E2F5: variants seen among roughly 807,000 people sequenced by gnomAD.
E2F5 encodes E2F transcription factor 5, also known as transcription factor E2F5.
In E2F5, 23 loss-of-function variants were observed where a neutral mutation model predicts 39.1. That is an observed-to-expected ratio of 0.59 (90% CI 0.42 to 0.83). The LOEUF (loss-of-function observed/expected upper bound fraction) is 0.83, where lower values mean the gene tolerates loss of function less well. Among genes scored for constraint, E2F5 ranks in the 40% least tolerant of loss-of-function variants. The pLI is 0.00. For missense variants in E2F5, 365 were observed against 406.7 expected (o/e 0.90, Z 0.88); for synonymous variants, 145 against 157.8 (o/e 0.92, Z 0.61).
intron 1 of E2F5, among the ~76,000 whole-genome samples, chr8:85,200,028 T>C (rs1812659668): frequency 6.6e-6 from 1 of 151,988 alleles, no homozygotes; most frequent in Admixed American, 6.6e-5. Flanking sequence ...GGGTGGATCA[T>C]CTGGGGTCAG....
chr8:85,206,295 G>A, intron 4 of E2F5, 75 bp downstream of exon 4: 1 of 1,395,354 alleles, frequency 7.2e-7, no homozygotes, highest in Non-Finnish European at 1.0e-6. Context: ...AATTCCCTGT[G>A]TCCTCATCCT....
At chr8:85,191,439 C>T (rs1315239203) in intron 1 of E2F5, among the ~76,000 whole-genome samples, 4 of 151,938 alleles carry the variant, frequency 2.6e-5, no homozygotes, top group Non-Finnish European at 5.9e-5. Flanking sequence ...TCTTACCACA[C>T]ACAAAAAAAA....
At chr8:85,205,691 C>T (rs1812789499) in intron 3 of E2F5, among the ~76,000 whole-genome samples, 1 of 152,186 alleles carries the variant, frequency 6.6e-6, no homozygotes, top group Non-Finnish European at 1.5e-5. Context: ...AACCATGTGG[C>T]CCTGAGTAGC....
chr8:85,180,336 G>C lies in E2F5; in HGVS notation c.234+2682G>C, dbSNP rs1360502024. ...ATACCCAGCCCATTAAGACATGTTTGATAATACATATTAAAGATGGACTCA... is the reference window on the plus strand; with the variant it reads ...ATACCCAGCCCATTAAGACATGTTTCATAATACATATTAAAGATGGACTCA... On this transcript the variant is annotated intron_variant, in intron 1 of 7. Coordinates refer to ENST00000416274, the MANE Select transcript of E2F5 (RefSeq NM_001951.4). Among the ~76,000 whole-genome samples the C allele has an allele frequency of 2.6e-5, 4 of 151,340 alleles. No individual in the cohort carries two copies. In the East Asian group the frequency reaches 7.8e-4, roughly 30 times the overall value.
At chr8:85,197,161 G>C (rs1465189288) in intron 1 of E2F5, among the ~76,000 whole-genome samples, 2 of 152,174 alleles carry the variant, frequency 1.3e-5, no homozygotes, top group African/African-American at 4.8e-5. Context: ...AAACTATTGA[G>C]TGCATATGTA....
intron 1 of E2F5, among the ~76,000 whole-genome samples, chr8:85,201,307 GAC>G (rs1812694626): frequency 6.6e-6 from 1 of 152,318 alleles, no homozygotes; most frequent in Non-Finnish European, 1.5e-5. Flanking sequence ...TGTCAGTAGA[GAC>G]ACAAATATTT....
intron 3 of E2F5, among the ~76,000 whole-genome samples, chr8:85,205,550 A>C (rs1190613834): frequency 1.3e-5 from 2 of 151,674 alleles, no homozygotes; most frequent in African/African-American, 4.8e-5. Flanking sequence ...GGCCTCCCAA[A>C]GTGCTGGGTG....
At chr8:85,180,557 G>GATATATATATATATATATTT (rs1484316038) in intron 1 of E2F5, among the ~76,000 whole-genome samples, 1 of 54,954 alleles carries the variant, frequency 1.8e-5, no homozygotes, top group Non-Finnish European at 3.6e-5. Flanking sequence ...TATATATATG[G>GATATATATATATATATATTT]TTTTTTGGTT....
intron 3 of E2F5, among the ~76,000 whole-genome samples, chr8:85,205,881 C>T (rs1435566368): frequency 1.3e-5 from 2 of 151,610 alleles, no homozygotes; most frequent in African/African-American, 4.8e-5. Flanking sequence ...CTCCTTTTCC[C>T]CATCCATTCC....
At chr8:85,186,678 GTATATATGGTA>G (rs1322933866) in intron 1 of E2F5, among the ~76,000 whole-genome samples, 2 of 145,838 alleles carry the variant, frequency 1.4e-5, no homozygotes, top group East Asian at 2.0e-4. Flanking sequence ...TATATGTAAG[GTATATATGGTA>G]TATATATGGT....
At chr8:85,211,643 GTTTTTTTTTT>G (rs950695727) in intron 6 of E2F5, among the ~76,000 whole-genome samples, 5 of 52,212 alleles carry the variant, frequency 9.6e-5, no homozygotes, top group East Asian at 6.0e-4. Context: ...GTTTGTTGTT[GTTTTTTTTTT>G]TTTTTTTTTT....
chr8:85,179,606 A>G, intron 1 of E2F5, among the ~76,000 whole-genome samples: 1 of 151,970 alleles, frequency 6.6e-6, no homozygotes, highest in Non-Finnish European at 1.5e-5. Flanking sequence ...CATATGTTTT[A>G]TGTATTTTAC....
At chr8:85,178,795 C>G (rs761125450) in intron 1 of E2F5, among the ~76,000 whole-genome samples, 3 of 152,204 alleles carry the variant, frequency 2.0e-5, no homozygotes, top group African/African-American at 4.8e-5. Flanking sequence ...GCTAGAGGCC[C>G]TCCTCCAGTG....
In E2F5 at chr8:85,214,096, G is replaced by C. The variant is rs1813027937; in HGVS notation, c.*234G>C. 2 of 582,064 alleles carry C rather than the reference G, an allele frequency of 3.4e-6. No homozygotes were observed. The highest frequency in any genetic ancestry group is 6.3e-6 in the Non-Finnish European group (2 of 316,204). 36.1% of individuals were successfully genotyped at this position (582,064 alleles called of 1,614,324 possible). A position where few individuals can be genotyped will look rare whatever the true frequency, so the allele number is the denominator to read the frequency against. On this transcript the variant is annotated 3_prime_UTR_variant, in exon 8 of 8. Coordinates refer to ENST00000416274, the MANE Select transcript of E2F5 (RefSeq NM_001951.4). Reference sequence around the variant, plus strand: ...TCCACAAACGTCCCCACTCCCAAAAGTAACTATATTCTGGATTTCAACTTT... The same window carrying C: ...TCCACAAACGTCCCCACTCCCAAAACTAACTATATTCTGGATTTCAACTTT...
At chr8:85,186,871 T>TGTATATATATGGTATATATATATGTAAG in intron 1 of E2F5, among the ~76,000 whole-genome samples, 1 of 148,784 alleles carries the variant, frequency 6.7e-6, no homozygotes, top group South Asian at 2.1e-4. Flanking sequence ...ATATATAAGG[T>TGTATATATATGGTATATATATATGTAAG]GTATATATAT....
Position 85,177,552 on chromosome 8 carries a change from CG to C in E2F5, c.137del (p.Gly46AlafsTer40). 1.6e-6 allele frequency: 2 copies of C among 1,240,562 alleles called. No homozygotes were observed. The allele number at this position is 1,240,562 out of a possible 1,614,324, so 76.8% of individuals were successfully genotyped here. A position where few individuals can be genotyped will look rare whatever the true frequency, so the allele number is the denominator to read the frequency against. Reference sequence around the variant, plus strand: ...CCCCGCCGCCGCAGCTCGGGGGCGCCGGGGGCGGCAGCAGCAGGCACGAGAA... The same window carrying C: ...CCCCGCCGCCGCAGCTCGGGGGCGCCGGGGCGGCAGCAGCAGGCACGAGAA... ...PPPPPQLGGA[G>X]GGSSRHEKSL... On this transcript the variant is annotated frameshift_variant, in exon 1 of 8. Transcript: ENST00000416274. LOFTEE classifies it high-confidence loss of function.
intron 1 of E2F5, among the ~76,000 whole-genome samples, chr8:85,179,636 A>T (rs1812156267): frequency 1.3e-5 from 2 of 151,816 alleles, no homozygotes; most frequent in Admixed American, 1.3e-4. Flanking sequence ...TCATTTATTT[A>T]TATATACTTA....
rs966398200 is a variant in E2F5 at position 85,177,669 on chromosome 8, C to A, written c.234+15C>A. ...ATCTCAAAGCGGTGAGCTCCGGAGGCGGGGACGGGGGCGGACTTCGGAACC... is the reference window on the plus strand; with the variant it reads ...ATCTCAAAGCGGTGAGCTCCGGAGGAGGGGACGGGGGCGGACTTCGGAACC... On this transcript the variant is annotated intron_variant, in intron 1 of 7. Coordinates refer to ENST00000416274, the MANE Select transcript of E2F5 (RefSeq NM_001951.4). 2 of 1,274,908 alleles carry A rather than the reference C, an allele frequency of 1.6e-6. No individual in the cohort carries two copies. The highest frequency in any genetic ancestry group is 6.6e-5 in the Admixed American group (2 of 30,404). 79.0% of individuals were successfully genotyped at this position (1,274,908 alleles called of 1,614,324 possible). A position where few individuals can be genotyped will look rare whatever the true frequency, so the allele number is the denominator to read the frequency against.
intron 1 of E2F5, among the ~76,000 whole-genome samples, chr8:85,186,773 C>T (rs1017245443): frequency 1.8e-4 from 25 of 141,432 alleles, no homozygotes; most frequent in African/African-American, 4.2e-4. Context: ...TGTATATATA[C>T]GGTATATATA....
Sources: allele counts gnomAD v4.1 joint callset (sites outside exome capture counted in the v4.1 genomes callset), GRCh38; gene constraint gnomAD v4.1.1; transcripts MANE v1.5; gene names NCBI Gene and HGNC (gene_info 2026-07-23, HGNC 2026-07-21).